RGS7BP: variants seen among roughly 807,000 people sequenced by gnomAD.
RGS7BP encodes the protein regulator of G protein signaling 7-binding protein.
RGS7BP carries 9 observed loss-of-function variants against 31.3 expected under a neutral mutation model. The ratio of observed to expected loss-of-function variants is 0.29; its 90% CI spans 0.17 to 0.50. The LOEUF (loss-of-function observed/expected upper bound fraction) is 0.50. RGS7BP is among the 20% of genes least tolerant of loss of function. The probability of loss-of-function intolerance (pLI) is 0.98; values close to 1 mark genes in which losing one functional copy is unlikely to be tolerated. For missense variants in RGS7BP, 274 were observed against 322.0 expected, an observed-to-expected ratio of 0.85 and a Z score of 1.14; for synonymous variants, 115 against 120.1, an observed-to-expected ratio of 0.96 and a Z score of 0.28.
At chr5:64,596,129 G>A (rs531532965) in intron 4 of RGS7BP, among the ~76,000 whole-genome samples, 1 of 152,194 alleles carries the variant, frequency 6.6e-6, no homozygotes, top group African/African-American at 2.4e-5. Flanking sequence ...GCAGACCTTA[G>A]ACAGCAGCTA....
intron 2 of RGS7BP, among the ~76,000 whole-genome samples, chr5:64,543,140 A>C (rs1189863682): frequency 6.6e-6 from 1 of 152,220 alleles, no homozygotes; most frequent in African/African-American, 2.4e-5. Flanking sequence ...CTCTGAGGAC[A>C]CTCATAGGAG....
intron 5 of RGS7BP, among the ~76,000 whole-genome samples, chr5:64,598,658 C>A (rs1182188528): frequency 6.6e-6 from 1 of 152,156 alleles, no homozygotes; most frequent in South Asian, 2.1e-4. Flanking sequence ...AAAACGAACT[C>A]CTTCTCCACT....
chr5:64,526,531 G>C (rs982627938), intron 2 of RGS7BP, among the ~76,000 whole-genome samples: 3 of 152,098 alleles, frequency 2.0e-5, no homozygotes, highest in Non-Finnish European at 4.4e-5. Context: ...AAAACATGGT[G>C]GGTGAGCACC....
rs35981444 is a variant in RGS7BP, at chr5:64,568,782, G to GAT, written c.333-6992_333-6991insAT. Among the ~76,000 whole-genome samples, 1,167 of 137,546 alleles carry GAT rather than the reference G, an allele frequency of 8.5e-3. 13 individuals carry two copies. Among genetic ancestry groups the GAT allele is most frequent in the South Asian group, 0.018 (78 of 4,366 alleles). The allele number at this position is 137,546 out of a possible 152,430, so 90.2% of individuals were successfully genotyped here. A position where few individuals can be genotyped will look rare whatever the true frequency, so the allele number is the denominator to read the frequency against. Reference sequence around the variant, plus strand: ...GAAGGTCAGGGAACTGATGGTTATTGTTTTTTTTTTTTTTTAGTGTTTAAA... The same window carrying GAT: ...GAAGGTCAGGGAACTGATGGTTATTGATTTTTTTTTTTTTTTTAGTGTTTAAA... On this transcript the variant is annotated intron_variant, in intron 2 of 5. Coordinates refer to ENST00000334025, the MANE Select transcript of RGS7BP (RefSeq NM_001029875.3).
chr5:64,506,350 C>T lies in RGS7BP; in HGVS notation c.-275C>T. On this transcript the variant is annotated 5_prime_UTR_variant, in exon 1 of 6. The change creates a premature stop within an existing upstream ORF in the 5' untranslated region. Transcript: ENST00000334025. The surrounding 1 kb of genome is among the most constrained non-coding windows in gnomAD (Gnocchi z 4.6). ...GGCAGTGCGAGCCCGCGCCAGCGCCCAGCTCCCGGGACAGGGTCGGCAATG... is the reference window on the plus strand; with the variant it reads ...GGCAGTGCGAGCCCGCGCCAGCGCCTAGCTCCCGGGACAGGGTCGGCAATG... 1 of 332,006 alleles carries T rather than the reference C, an allele frequency of 3.0e-6. No homozygotes were observed. Among genetic ancestry groups the T allele is most frequent in the Non-Finnish European group, 5.4e-6 (1 of 183,794 alleles). 20.6% of individuals were successfully genotyped at this position (332,006 alleles called of 1,614,324 possible).
intron 2 of RGS7BP, among the ~76,000 whole-genome samples, chr5:64,531,416 A>G (rs1251177504): frequency 1.3e-5 from 2 of 148,688 alleles, no homozygotes; most frequent in Non-Finnish European, 3.0e-5. Flanking sequence ...GCACACTGAG[A>G]AAAAAAAATA....
intron 2 of RGS7BP, among the ~76,000 whole-genome samples, chr5:64,552,665 G>A (rs1240373722): frequency 6.6e-6 from 1 of 152,154 alleles, no homozygotes; most frequent in African/African-American, 2.4e-5. Flanking sequence ...TTTAGATTGT[G>A]GCTTTCTGGC....
At chr5:64,507,299 G>T (rs988489221) in intron 1 of RGS7BP, among the ~76,000 whole-genome samples, 7 of 152,014 alleles carry the variant, frequency 4.6e-5, no homozygotes, top group African/African-American at 1.4e-4. Flanking sequence ...CCTACCTGTC[G>T]CCTCCCCCGC....
At chr5:64,515,904 A>G (rs1329727913) in intron 2 of RGS7BP, among the ~76,000 whole-genome samples, 1 of 151,936 alleles carries the variant, frequency 6.6e-6, no homozygotes, top group Non-Finnish European at 1.5e-5. Context: ...GGCTCAAGCA[A>G]TCATTGTGCA....
At chr5:64,576,436 A>C (rs1001101742) in intron 3 of RGS7BP, among the ~76,000 whole-genome samples, 3 of 152,222 alleles carry the variant, frequency 2.0e-5, no homozygotes, top group African/African-American at 7.2e-5. Flanking sequence ...TGATTTCATT[A>C]GACTTCCAGC....
chr5:64,539,058 T>C (rs1258772873), intron 2 of RGS7BP, among the ~76,000 whole-genome samples: 1 of 152,214 alleles, frequency 6.6e-6, no homozygotes, highest in Non-Finnish European at 1.5e-5. Flanking sequence ...TTAGCTTTTG[T>C]TTGCTTTGCC....
At chr5:64,542,488 C>T (rs1741551050) in intron 2 of RGS7BP, among the ~76,000 whole-genome samples, 2 of 152,202 alleles carry the variant, frequency 1.3e-5, no homozygotes, top group Admixed American at 1.3e-4. Flanking sequence ...TAAACTACCA[C>T]TTTATTTATA....
chr5:64,603,048 G>C (rs1220339231), intron 5 of RGS7BP, among the ~76,000 whole-genome samples: 1 of 152,176 alleles, frequency 6.6e-6, no homozygotes, highest in African/African-American at 2.4e-5. Flanking sequence ...AAAGGCTTAA[G>C]AGAGAGACAA....
chr5:64,508,653 G>C (rs2111867478), intron 2 of RGS7BP, among the ~76,000 whole-genome samples: 1 of 152,254 alleles, frequency 6.6e-6, no homozygotes, highest in South Asian at 2.1e-4. Context: ...TAAGTACTTA[G>C]AGCAAGGAAA....
chr5:64,509,405 C>T (rs1561317072), intron 2 of RGS7BP, among the ~76,000 whole-genome samples: 1 of 152,126 alleles, frequency 6.6e-6, no homozygotes, highest in African/African-American at 2.4e-5. Flanking sequence ...AGAACATGTT[C>T]TAATCAGAGA....
At chr5:64,531,473 G>A (rs1333861641) in intron 2 of RGS7BP, among the ~76,000 whole-genome samples, 1 of 152,134 alleles carries the variant, frequency 6.6e-6, no homozygotes, top group Non-Finnish European at 1.5e-5. Context: ...TTCCAAATTA[G>A]GAGGTCTGTG....
At chr5:64,580,013 C>T (rs962388644) in intron 3 of RGS7BP, among the ~76,000 whole-genome samples, 1 of 152,066 alleles carries the variant, frequency 6.6e-6, no homozygotes, top group Non-Finnish European at 1.5e-5. Context: ...ACCTGTCTGC[C>T]CAGGAACCTC....
chr5:64,535,552 C>A (rs1741330677), intron 2 of RGS7BP, among the ~76,000 whole-genome samples: 1 of 152,120 alleles, frequency 6.6e-6, no homozygotes, highest in Non-Finnish European at 1.5e-5. Context: ...CTTAAAATGC[C>A]TATAAAGAAA....
chr5:64,518,437 GGAAAATAAAACAA>G (rs1749028695), intron 2 of RGS7BP, among the ~76,000 whole-genome samples: 1 of 152,060 alleles, frequency 6.6e-6, no homozygotes, highest in South Asian at 2.1e-4. Flanking sequence ...AATGCAGTGA[GGAAAATAAAACAA>G]GATGATATTA....
Sources: gnomAD v4.1 joint callset for allele counts (sites outside exome capture counted in the v4.1 genomes callset) on GRCh38, gnomAD v4.1.1 for gene constraint, Gnocchi (gnomAD v3.1) non-coding constraint, MANE v1.5 for transcripts, NCBI Gene and HGNC (gene_info 2026-07-23, HGNC 2026-07-21) for gene names.